The following SLC6A16 variants were observed in gnomAD, a reference collection of about 807,000 sequenced individuals.
The protein encoded by SLC6A16 is orphan sodium- and chloride-dependent neurotransmitter transporter NTT5.
SLC6A16 carries 54 observed loss-of-function variants against 65.4 expected under a neutral mutation model. The ratio of observed to expected loss-of-function variants is 0.83; its 90% CI spans 0.66 to 1.04. SLC6A16 has a LOEUF of 1.04. SLC6A16 is among the 50% of genes least tolerant of loss of function. The pLI is 0.00. For missense variants in SLC6A16, 816 were observed against 914.0 expected (o/e 0.89, Z 1.38); for synonymous variants, 330 against 346.5 (o/e 0.95, Z 0.53).
At chr19:49,330,154 T>G (rs1474418707), upstream of SLC6A16, among the ~76,000 whole-genome samples, 1 of 151,130 alleles carries the variant, frequency 6.6e-6, no homozygotes, top group Non-Finnish European at 1.5e-5. Context: ...CCTGAAGAAT[T>G]GGAAGATGGA....
rs1181667699 is a variant in SLC6A16 at position 49,292,039 on chromosome 19, CT to C, written c.1778+1183del. On this transcript the variant is annotated intron_variant, in intron 10 of 11. Transcript: ENST00000335875. This position sits in a 1 kb window ranked among gnomAD's most constrained non-coding sequence, Gnocchi z 4.3. The stretch of plus-strand genomic sequence containing the variant: ...CTTCTCTTAATCCACAACTCTTCTA[CT>C]TTTGACCAAGCCATTCTTAGCTCTC... Among the ~76,000 whole-genome samples the C allele has an allele frequency of 2.0e-5, 3 of 152,210 alleles. No individual in the cohort carries two copies. The highest frequency in any genetic ancestry group is 4.4e-5 in the Non-Finnish European group (3 of 68,032).
At chr19:49,312,956 G>A (rs778478722) in intron 1 of SLC6A16, among the ~76,000 whole-genome samples, 16 of 151,740 alleles carry the variant, frequency 1.1e-4, no homozygotes, top group Non-Finnish European at 2.4e-4. Context: ...AGTGGCTCAC[G>A]CCTGTAATCT....
In SLC6A16 at chr19:49,289,642, C is replaced by A; in HGVS notation, c.*481G>T. ...GTCCAGTTAAACCTCTTTTTGTTCC[C>A]AGTTTCAGGTATGTCTTTATTAGCA... On this transcript the variant is annotated 3_prime_UTR_variant, in exon 12 of 12. Coordinates refer to ENST00000335875, the MANE Select transcript of SLC6A16 (RefSeq NM_014037.3). 5.9e-6 allele frequency: 1 copy of A among 169,084 alleles called. No individual in the cohort carries two copies. Among genetic ancestry groups the A allele is most frequent in the Non-Finnish European group, 1.2e-5 (1 of 81,006 alleles). The allele number at this position is 169,084 out of a possible 1,614,324, so 10.5% of individuals were successfully genotyped here.
rs574908444 is a variant in SLC6A16, at chr19:49,293,359, C to T, written c.1642G>A (p.Val548Met). Residue 548 changes from valine to methionine, a missense_variant, in exon 10 of 12, where the codon GTG becomes ATG. Transcript: ENST00000335875. ...LIVGVFLLMF[V>M]CGLFFTRPSG... ...GGTCGAGTGAAGAAGAGGCCGCACA[C>T]GAACATGAGCAAAAAGACTCCCACT... The T allele has an allele frequency of 7.1e-5, 115 of 1,614,082 alleles. No individual in the cohort carries two copies. Among genetic ancestry groups the T allele is most frequent in the Middle Eastern group, 1.6e-4 (1 of 6,062 alleles).
In SLC6A16 at chr19:49,310,966, G is replaced by T; in HGVS notation, c.382C>A (p.Arg128Ser). 1 of 1,614,056 alleles carries T rather than the reference G, an allele frequency of 6.2e-7. No individual in the cohort carries two copies. The highest frequency in any genetic ancestry group is 8.5e-7 in the Non-Finnish European group (1 of 1,179,944). Residue 128 changes from arginine (R) to serine (S), a missense_variant, in exon 2 of 12, where the codon CGC (arginine) becomes AGC (serine). Physicochemically the swap from Arg to Ser is moderately radical, Grantham distance 110. Transcript: ENST00000335875. Reference protein sequence around the residue: ...GFSMKPSCLWRFAYLWLNSGG... With the variant: ...GFSMKPSCLWSFAYLWLNSGG... ...CTGTTAAGCCACAGGTAGGCAAAGC[G>T]CCAGAGACAAGATGGCTTCATAGAG...
chr19:49,290,600 C>T lies in SLC6A16; in HGVS notation c.1941+5G>A. On this transcript the variant is annotated splice_donor_5th_base_variant and intron_variant, in intron 11 of 11. Coordinates refer to ENST00000335875, the MANE Select transcript of SLC6A16 (RefSeq NM_014037.3). ...AAGGGGTTCTGGGTCCTGGGGGAGGCTCACGGTGCTTGAGTCCCAGGACAT... is the reference window on the plus strand; with the variant it reads ...AAGGGGTTCTGGGTCCTGGGGGAGGTTCACGGTGCTTGAGTCCCAGGACAT... The T allele has an allele frequency of 6.2e-7, 1 of 1,613,992 alleles. No homozygotes were observed. The highest frequency in any genetic ancestry group is 8.5e-7 in the Non-Finnish European group (1 of 1,179,936).
chr19:49,294,614 TCCC>T lies in SLC6A16; in HGVS notation c.1230-64_1230-62del, dbSNP rs369509188. 8.0e-4 allele frequency: 1,100 copies of T among 1,380,692 alleles called. 2 individuals carry two copies. In the African/African-American group the frequency reaches 0.015, roughly 19 times the overall value. The allele number at this position is 1,380,692 out of a possible 1,614,324, so 85.5% of individuals were successfully genotyped here. On this transcript the variant is annotated intron_variant, in intron 7 of 11. Coordinates refer to ENST00000335875, the MANE Select transcript of SLC6A16 (RefSeq NM_014037.3). Reference sequence around the variant, plus strand: ...GGCCCAGTAGGAGATAGTCTCCTTTTCCCTTATCTTCAAGATAAAAAAGGCTAT... The same window carrying T: ...GGCCCAGTAGGAGATAGTCTCCTTTTTTATCTTCAAGATAAAAAAGGCTAT...
chr19:49,307,724 C>CAAAAAAAAAGAAAAA (rs1970421763), intron 7 of SLC6A16, among the ~76,000 whole-genome samples: 1 of 76,702 alleles, frequency 1.3e-5, no homozygotes, highest in Admixed American at 1.7e-4. Context: ...GAGGAGGAAG[C>CAAAAAAAAAGAAAAA]AAAAAAAAAG....
At chr19:49,304,696 T>A (rs1970350241) in intron 7 of SLC6A16, among the ~76,000 whole-genome samples, 1 of 152,154 alleles carries the variant, frequency 6.6e-6, no homozygotes, top group South Asian at 2.1e-4. Context: ...ACCTGGGATG[T>A]TCAATGCACT....
At chr19:49,340,188 G>A in the SLC6A16 span, 2 of 1,523,348 alleles carry the variant, frequency 1.3e-6, no homozygotes, top group Non-Finnish European at 1.8e-6. Context: ...CGCCCGGGTG[G>A]GCATCACCCC....
chr19:49,317,140 G>A (rs1369261365), intron 1 of SLC6A16, among the ~76,000 whole-genome samples: 2 of 151,618 alleles, frequency 1.3e-5, no homozygotes, highest in African/African-American at 4.9e-5. Flanking sequence ...AGGAGTTTAA[G>A]ACAAGCCTGG....
In SLC6A16 at chr19:49,310,397, T is replaced by C; in HGVS notation, c.529A>G (p.Ile177Val). 6.2e-7 allele frequency: 1 copy of C among 1,614,000 alleles called. No homozygotes were observed. The highest frequency in any genetic ancestry group is 8.5e-7 in the Non-Finnish European group (1 of 1,179,984). Residue 177 changes from isoleucine to valine, a missense_variant, in exon 3 of 12, where the codon ATC (isoleucine) becomes GTC (valine). Ile to Val is a conservative substitution (Grantham distance 29). Transcript: ENST00000335875. ...MRQGGMGVWK[I>V]IAPWIGGVGY... ...ACACCACCAATCCAGGGGGCAATGATCTTCCATACACCCATGCCACCCTGA... is the reference window on the plus strand; with the variant it reads ...ACACCACCAATCCAGGGGGCAATGACCTTCCATACACCCATGCCACCCTGA...
At chr19:49,326,156 C>A (rs111671571), upstream of SLC6A16, among the ~76,000 whole-genome samples, 1,255 of 149,092 alleles carry the variant, frequency 8.4e-3, 16 homozygotes, top group African/African-American at 0.029. Flanking sequence ...GACAACAGAG[C>A]AAGACTCCGT....
At chr19:49,330,848 G>A in the SLC6A16 span, among the ~76,000 whole-genome samples, 9 of 151,968 alleles carry the variant, frequency 5.9e-5, no homozygotes, top group East Asian at 1.9e-4. Flanking sequence ...AGGCTGAGGC[G>A]GGAGAATCGC....
chr19:49,291,525 G>A (rs1970078560), intron 10 of SLC6A16, among the ~76,000 whole-genome samples: 1 of 152,114 alleles, frequency 6.6e-6, no homozygotes, highest in Admixed American at 6.6e-5. Flanking sequence ...TGTTTGTTGG[G>A]TGAGTTAATA....
At chr19:49,331,786 T>C in the SLC6A16 span, 2 of 457,320 alleles carry the variant, frequency 4.4e-6, no homozygotes, top group Non-Finnish European at 8.8e-6. Flanking sequence ...TCACATGGCC[T>C]CAACTTCACT....
chr19:49,334,611 G>A, the SLC6A16 span, among the ~76,000 whole-genome samples: 1 of 152,132 alleles, frequency 6.6e-6, no homozygotes, highest in African/African-American at 2.4e-5. Context: ...CAGGAGGGTC[G>A]CTTGAGTCCA....
Position 49,307,763 on chromosome 19 carries a change from A to G in SLC6A16, c.1229+1113T>C, listed in dbSNP as rs571715966. Among the ~76,000 whole-genome samples, 10 of 151,822 alleles carry G rather than the reference A, an allele frequency of 6.6e-5. No homozygotes were observed. In the East Asian group the frequency reaches 1.7e-3, roughly 26 times the overall value. On this transcript the variant is annotated intron_variant, in intron 7 of 11. Coordinates refer to ENST00000335875, the MANE Select transcript of SLC6A16 (RefSeq NM_014037.3). ...AAGAAAAAAAAGAAAAAGAAAAAAA[A>G]AAGATTACTGGGAGAAATTCAACTC...
intron 1 of SLC6A16, among the ~76,000 whole-genome samples, chr19:49,316,402 T>A (rs552603485): frequency 1.3e-5 from 2 of 151,912 alleles, no homozygotes; most frequent in Admixed American, 1.3e-4. Flanking sequence ...AGCATCTGTG[T>A]GGGAGGAAAC....
Sources: gnomAD v4.1 joint callset for allele counts (sites outside exome capture counted in the v4.1 genomes callset) on GRCh38, gnomAD v4.1.1 for gene constraint, Gnocchi (gnomAD v3.1) non-coding constraint, MANE v1.5 for transcripts, NCBI Gene and HGNC (gene_info 2026-07-23, HGNC 2026-07-21) for gene names.